Variants in SLCO6A1 observed in about 807,000 individuals in gnomAD.
SLCO6A1 encodes the protein solute carrier organic anion transporter family member 6A1.
SLCO6A1 carries 65 observed loss-of-function variants against 72.7 expected under a neutral mutation model. That is an observed-to-expected ratio of 0.89 (90% confidence interval 0.73 to 1.10). SLCO6A1 has a LOEUF of 1.10. SLCO6A1 is among the 50% of genes least tolerant of loss of function. The pLI is 0.00. For synonymous variants in SLCO6A1, 314 were observed against 298.2 expected (o/e 1.05, Z -0.55); for missense variants, 874 against 872.6 (o/e 1.00, Z -0.02).
intron 1 of SLCO6A1, among the ~76,000 whole-genome samples, chr5:102,484,921 T>C (rs932258864): frequency 2.0e-5 from 3 of 152,154 alleles, no homozygotes; most frequent in Admixed American, 1.3e-4. Context: ...TTTTTACAGT[T>C]TTGCAGTGAA....
At chr5:102,463,494 A>G (rs900984114) in intron 4 of SLCO6A1, among the ~76,000 whole-genome samples, 1 of 152,204 alleles carries the variant, frequency 6.6e-6, no homozygotes. Context: ...ACAACTTGCA[A>G]TTGCAAAAAT....
At chr5:102,482,037 A>G (rs1752222441) in intron 1 of SLCO6A1, among the ~76,000 whole-genome samples, 1 of 152,132 alleles carries the variant, frequency 6.6e-6, no homozygotes, top group African/African-American at 2.4e-5. Context: ...CAGGATAAGA[A>G]TTTTCTTTAA....
chr5:102,404,215 G>C (rs1283291403), intron 9 of SLCO6A1, among the ~76,000 whole-genome samples: 3 of 152,156 alleles, frequency 2.0e-5, no homozygotes, highest in Admixed American at 1.3e-4. Context: ...CATATTTTAG[G>C]CTGGGTGTGG....
intron 4 of SLCO6A1, among the ~76,000 whole-genome samples, chr5:102,470,609 C>A (rs943521607): frequency 1.3e-4 from 19 of 151,962 alleles, no homozygotes; most frequent in African/African-American, 4.4e-4. Flanking sequence ...AAAACCAGCT[C>A]CTGGATTCAT....
intron 9 of SLCO6A1, among the ~76,000 whole-genome samples, chr5:102,401,964 A>G (rs1379859945): frequency 1.1e-4 from 17 of 152,110 alleles, no homozygotes; most frequent in Admixed American, 9.2e-4. Context: ...TTAGCCATAC[A>G]AGATGGCTAA....
intron 6 of SLCO6A1, among the ~76,000 whole-genome samples, chr5:102,448,678 TAAG>T (rs1750250575): frequency 6.6e-6 from 1 of 152,162 alleles, no homozygotes; most frequent in Non-Finnish European, 1.5e-5. Context: ...TCGTCTGAAA[TAAG>T]AATAGCAATC....
chr5:102,462,957 A>C (rs917285747), intron 4 of SLCO6A1, among the ~76,000 whole-genome samples: 2 of 152,252 alleles, frequency 1.3e-5, no homozygotes, highest in Admixed American at 1.3e-4. Context: ...CTGCACAGCA[A>C]AAGAAATAAT....
intron 1 of SLCO6A1, among the ~76,000 whole-genome samples, chr5:102,483,659 A>G (rs1752316274): frequency 6.6e-6 from 1 of 152,190 alleles, no homozygotes; most frequent in South Asian, 2.1e-4. Flanking sequence ...GGGATCGTTT[A>G]TAAGGGGAAT....
At chr5:102,494,187 C>T (rs954416506) in intron 1 of SLCO6A1, among the ~76,000 whole-genome samples, 2 of 152,048 alleles carry the variant, frequency 1.3e-5, no homozygotes, top group Non-Finnish European at 2.9e-5. Flanking sequence ...TTAAAGGGCA[C>T]TGTTTTCAAT....
chr5:102,386,439 G>A (rs1423558338), intron 12 of SLCO6A1, among the ~76,000 whole-genome samples: 1 of 152,166 alleles, frequency 6.6e-6, no homozygotes, highest in African/African-American at 2.4e-5. Context: ...GCAGGGGCCA[G>A]GACTGCATTG....
At chr5:102,410,891 C>T (rs902353045) in intron 9 of SLCO6A1, among the ~76,000 whole-genome samples, 2 of 152,102 alleles carry the variant, frequency 1.3e-5, no homozygotes, top group African/African-American at 2.4e-5. Flanking sequence ...TCTGATAAAC[C>T]ATAGAAGGAC....
intron 6 of SLCO6A1, 21 bp from the exon 7 acceptor site, chr5:102,438,782 A>G: frequency 6.8e-7 from 1 of 1,464,484 alleles, no homozygotes; most frequent in African/African-American, 1.5e-5. Flanking sequence ...AATAAGTTAT[A>G]TATCTATTAT....
At chr5:102,453,200 A>T (rs760088946) in intron 6 of SLCO6A1, among the ~76,000 whole-genome samples, 6 of 152,040 alleles carry the variant, frequency 3.9e-5, no homozygotes, top group Non-Finnish European at 8.8e-5. Context: ...CTCTACATAA[A>T]ATTTAAAAAT....
chr5:102,405,342 C>T (rs1472653651), intron 9 of SLCO6A1, among the ~76,000 whole-genome samples: 5 of 151,308 alleles, frequency 3.3e-5, no homozygotes, highest in African/African-American at 1.2e-4. Context: ...TCAGTGAATT[C>T]CAAACAGGAT....
chr5:102,446,956 T>C (rs964736467), intron 6 of SLCO6A1, among the ~76,000 whole-genome samples: 3 of 152,158 alleles, frequency 2.0e-5, no homozygotes, highest in African/African-American at 7.2e-5. Context: ...AGTTTCACCA[T>C]GTTGGCCAGA....
At chr5:102,485,182 C>T (rs912155121) in intron 1 of SLCO6A1, among the ~76,000 whole-genome samples, 5 of 150,970 alleles carry the variant, frequency 3.3e-5, no homozygotes, top group African/African-American at 7.3e-5. Flanking sequence ...ACCTGGGAGG[C>T]GGAGGTTGTG....
intron 9 of SLCO6A1, among the ~76,000 whole-genome samples, chr5:102,411,986 A>C (rs1488256928): frequency 6.6e-6 from 1 of 152,162 alleles, no homozygotes; most frequent in African/African-American, 2.4e-5. Flanking sequence ...CTCTTAGGGT[A>C]GCCACTATGA....
rs140716182 is a variant in SLCO6A1, at chr5:102,451,606, G to A, written c.1131+6776C>T. Among the ~76,000 whole-genome samples, 318 of 152,320 alleles carry A rather than the reference G, an allele frequency of 2.1e-3. 3 individuals are homozygous for A. The highest frequency in any genetic ancestry group is 7.3e-3 in the African/African-American group (302 of 41,568). On this transcript the variant is annotated intron_variant, in intron 6 of 13. Transcript: ENST00000506729. ...GGGGGAATCTCCTGTGCCCAGGGTTGCAAAGATCTGTGGCAGAAGTGTGGG... is the reference window on the plus strand; with the variant it reads ...GGGGGAATCTCCTGTGCCCAGGGTTACAAAGATCTGTGGCAGAAGTGTGGG...
At chr5:102,471,472 T>G (rs1389373726) in intron 4 of SLCO6A1, among the ~76,000 whole-genome samples, 1 of 152,074 alleles carries the variant, frequency 6.6e-6, no homozygotes, top group Non-Finnish European at 1.5e-5. Context: ...TTTCTGAACA[T>G]TCACACGCTT....
Sources: gnomAD v4.1 joint callset for allele counts (sites outside exome capture counted in the v4.1 genomes callset) on GRCh38, gnomAD v4.1.1 for gene constraint, MANE v1.5 for transcripts, NCBI Gene and HGNC (gene_info 2026-07-23, HGNC 2026-07-21) for gene names.